Variants in SLC10A6 observed in about 807,000 individuals in gnomAD.
SLC10A6 encodes sodium-dependent organic anion transporter.
A neutral mutation model predicts 30.0 loss-of-function variants in SLC10A6; 27 were observed. The ratio of observed to expected loss-of-function variants is 0.90; its 90% confidence interval spans 0.66 to 1.24. The LOEUF is 1.24. Ranked by LOEUF, SLC10A6 falls within the 50% of genes most tolerant of loss-of-function variation. SLC10A6 has a pLI of 0.00. For synonymous variants in SLC10A6, 166 were observed against 173.8 expected, an observed-to-expected ratio of 0.95 and a Z score of 0.36; for missense variants, 439 against 457.0, an observed-to-expected ratio of 0.96 and a Z score of 0.36.
chr4:86,844,250 G>A (rs979939621), intron 1 of SLC10A6, among the ~76,000 whole-genome samples: 10 of 152,184 alleles, frequency 6.6e-5, no homozygotes, highest in Non-Finnish European at 1.0e-4. Flanking sequence ...ATAATCTGCC[G>A]AGATGATCCA....
At chr4:86,827,812 A>G (rs548203113) in intron 4 of SLC10A6, among the ~76,000 whole-genome samples, 181 bp downstream of exon 4, 1 of 152,252 alleles carries the variant, frequency 6.6e-6, no homozygotes, top group Admixed American at 6.5e-5. Flanking sequence ...TTACATAAAG[A>G]ATTACCACAA....
rs1553899234 is a variant in SLC10A6, at chr4:86,837,343, A to AGGCAGGC, written c.378-3920_378-3919insGCCTGCC. On this transcript the variant is annotated intron_variant, in intron 1 of 5. Transcript: ENST00000273905. ...GAAGGAAGGAAGGAAGGAAGGAAGG[A>AGGCAGGC]AGGCAGGCAGGCAGGCTGGGATTTG... Among the ~76,000 whole-genome samples, 348 of 102,970 alleles carry AGGCAGGC rather than the reference A, an allele frequency of 3.4e-3. 12 individuals carry two copies. The highest frequency in any genetic ancestry group is 0.011 in the African/African-American group (274 of 25,190). 67.6% of individuals were successfully genotyped at this position (102,970 alleles called of 152,430 possible).
intron 2 of SLC10A6, 138 bp from the exon 3 acceptor site, chr4:86,832,018 C>T: frequency 1.4e-6 from 1 of 699,406 alleles, no homozygotes; most frequent in Non-Finnish European, 2.5e-6. Context: ...TGGATAAATG[C>T]CTACAATATT....
chr4:86,842,907 A>G (rs7656537), intron 1 of SLC10A6, among the ~76,000 whole-genome samples: 44,748 of 119,936 alleles, frequency 0.37, 12,283 homozygotes, highest in African/African-American at 0.75. Flanking sequence ...TCGCTCTGTC[A>G]CTTGCCCAGG....
Position 86,849,269 on chromosome 4 carries a change from T to A in SLC10A6, c.-154A>T. ...AGCAAGGTGATTCATCCTAATCTGA[T>A]CAATTTTTTCACAAGTGGCATTATA... is the stretch of plus-strand genomic sequence containing the variant. On this transcript the variant is annotated 5_prime_UTR_variant, in exon 1 of 6. Coordinates refer to ENST00000273905, the MANE Select transcript of SLC10A6 (RefSeq NM_197965.3). 2.4e-6 allele frequency: 2 copies of A among 830,462 alleles called. No individual in the cohort carries two copies. Among genetic ancestry groups the A allele is most frequent in the Non-Finnish European group, 3.7e-6 (2 of 537,550 alleles). The allele number at this position is 830,462 out of a possible 1,614,324, so 51.4% of individuals were successfully genotyped here. A position where few individuals can be genotyped will look rare whatever the true frequency, so the allele number is the denominator to read the frequency against.
At chr4:86,823,972 T>C in intron 5 of SLC10A6, 70 bp from the exon 6 acceptor site, 1 of 1,365,778 alleles carries the variant, frequency 7.3e-7, no homozygotes, top group Non-Finnish European at 1.0e-6. Flanking sequence ...CACTGTACAC[T>C]TGTCAATCCT....
At chr4:86,848,712 C>A in intron 1 of SLC10A6, 27 bp downstream of exon 1, 2 of 1,545,086 alleles carry the variant, frequency 1.3e-6, no homozygotes, top group Non-Finnish European at 1.7e-6. Flanking sequence ...AAGAGACAGA[C>A]TGCTGAGCTT....
Position 86,831,868 on chromosome 4 carries a change from A to G in SLC10A6, c.509T>C (p.Val170Ala), listed in dbSNP as rs1266512491. The G allele has an allele frequency of 6.2e-7, 1 of 1,613,030 alleles. No individual in the cohort carries two copies. The highest frequency in any genetic ancestry group is 1.7e-5 in the Admixed American group (1 of 59,976). ...AAAGGCCACAGGAATGGTCAGGCACACAAGGGTAATTCCTAAAGAGAAGAA... is the reference window on the plus strand; with the variant it reads ...AAAGGCCACAGGAATGGTCAGGCACGCAAGGGTAATTCCTAAAGAGAAGAA... ...IPYQNIGITL[V>A]CLTIPVAFGV... The change falls in exon 3 of 6, where the codon GTG (valine) becomes GCG (alanine). Residue 170 changes from valine to alanine, a missense_variant. Coordinates refer to ENST00000273905, the MANE Select transcript of SLC10A6 (RefSeq NM_197965.3).
chr4:86,837,607 C>T (rs1289361658), intron 1 of SLC10A6: 1 of 985,272 alleles, frequency 1.0e-6, no homozygotes, highest in Non-Finnish European at 1.2e-6. Context: ...CAAATCTATT[C>T]TTTCCATCTC....
At chr4:86,833,784 CACA>C (rs920170970) in intron 1 of SLC10A6, among the ~76,000 whole-genome samples, 1 of 152,122 alleles carries the variant, frequency 6.6e-6, no homozygotes, top group African/African-American at 2.4e-5. Context: ...TTAGTATAGT[CACA>C]ACATTATGCA....
At position 86,838,912 on chromosome 4, in the gene SLC10A6, C is replaced by CAA. The variant is rs149710895; in HGVS notation, c.378-5490_378-5489dup. Among the ~76,000 whole-genome samples, 749 of 75,530 alleles carry CAA rather than the reference C, an allele frequency of 9.9e-3. 12 individuals carry two copies. Among genetic ancestry groups the CAA allele is most frequent in the South Asian group, 0.029 (55 of 1,874 alleles). The allele number at this position is 75,530 out of a possible 152,430, so 49.6% of individuals were successfully genotyped here. A position where few individuals can be genotyped will look rare whatever the true frequency, so the allele number is the denominator to read the frequency against. Reference sequence around the variant, plus strand: ...CACTCCAGCCTGGGTGACAGTGTCTCAAAAAAAAAAAAAAAAAAAAAAAAT... The same window carrying CAA: ...CACTCCAGCCTGGGTGACAGTGTCTCAAAAAAAAAAAAAAAAAAAAAAAAAAT... On this transcript the variant is annotated intron_variant, in intron 1 of 5. Transcript: ENST00000273905.
chr4:86,841,183 A>T (rs1235876882), intron 1 of SLC10A6, among the ~76,000 whole-genome samples: 1 of 152,228 alleles, frequency 6.6e-6, no homozygotes, highest in African/African-American at 2.4e-5. Flanking sequence ...AACAGCAGAA[A>T]GGTAAGACTC....
At chr4:86,831,979 T>C (rs899477006) in intron 2 of SLC10A6, 99 bp from the exon 3 acceptor site, 1 of 968,518 alleles carries the variant, frequency 1.0e-6, no homozygotes, top group Non-Finnish European at 1.6e-6. Context: ...AGCTTTAAAC[T>C]GACATTTTCC....
intron 2 of SLC10A6, 50 bp from the exon 3 acceptor site, chr4:86,831,930 C>A: frequency 7.0e-7 from 1 of 1,421,148 alleles, no homozygotes; most frequent in Non-Finnish European, 9.8e-7. Flanking sequence ...ACCCTGACTG[C>A]ACAGTACTTC....
In SLC10A6 at chr4:86,823,626, C is replaced by T; in HGVS notation, c.*62G>A. On this transcript the variant is annotated 3_prime_UTR_variant, in exon 6 of 6. Coordinates refer to ENST00000273905, the MANE Select transcript of SLC10A6 (RefSeq NM_197965.3). ...CCTACCAACAAGATTCATGTGTCAG[C>T]TGCACACTGTCTTTACTGGCCACTG... The T allele has an allele frequency of 7.4e-7, 1 of 1,346,710 alleles. No individual in the cohort carries two copies. The highest frequency in any genetic ancestry group is 1.0e-6 in the Non-Finnish European group (1 of 985,026). The allele number at this position is 1,346,710 out of a possible 1,614,324, so 83.4% of individuals were successfully genotyped here.
At chr4:86,845,931 T>C (rs1746384206) in intron 1 of SLC10A6, among the ~76,000 whole-genome samples, 3 of 152,144 alleles carry the variant, frequency 2.0e-5, no homozygotes, top group Middle Eastern at 3.2e-3. Flanking sequence ...GGTGAACACA[T>C]GGAGAACTGC....
At chr4:86,846,541 G>A (rs1172465264) in intron 1 of SLC10A6, among the ~76,000 whole-genome samples, 5 of 152,146 alleles carry the variant, frequency 3.3e-5, no homozygotes, top group African/African-American at 1.2e-4. Context: ...CCAACATGGC[G>A]AAACCCCATC....
Position 86,823,634 on chromosome 4 carries a change from T to A in SLC10A6, c.*54A>T. 7.0e-7 allele frequency: 1 copy of A among 1,422,822 alleles called. No individual in the cohort carries two copies. Among genetic ancestry groups the A allele is most frequent in the Admixed American group, 2.3e-5 (1 of 43,898 alleles). The allele number at this position is 1,422,822 out of a possible 1,614,324, so 88.1% of individuals were successfully genotyped here. On this transcript the variant is annotated 3_prime_UTR_variant, in exon 6 of 6. Coordinates refer to ENST00000273905, the MANE Select transcript of SLC10A6 (RefSeq NM_197965.3). ...CAAGATTCATGTGTCAGCTGCACAC[T>A]GTCTTTACTGGCCACTGAAAAAGAA...
chr4:86,839,273 CA>C (rs60340324), intron 1 of SLC10A6, among the ~76,000 whole-genome samples: 5,938 of 55,374 alleles, frequency 0.11, 347 homozygotes, highest in African/African-American at 0.26. Flanking sequence ...CTGGTCTCTA[CA>C]AAAAAAAAAA....
Sources: gnomAD v4.1 joint callset for allele counts (sites outside exome capture counted in the v4.1 genomes callset) on GRCh38, gnomAD v4.1.1 for gene constraint, MANE v1.5 for transcripts, NCBI Gene and HGNC (gene_info 2026-07-23, HGNC 2026-07-21) for gene names.